Variants in PTGS1 observed in about 807,000 individuals in gnomAD.
PTGS1 encodes prostaglandin G/H synthase 1.
Under a neutral mutation model 63.0 loss-of-function variants are expected in PTGS1, and 40 were observed. The ratio of observed to expected loss-of-function variants is 0.63; its 90% CI spans 0.49 to 0.83. PTGS1 has a LOEUF of 0.83. PTGS1 is among the 40% of genes least tolerant of loss of function. PTGS1 has a pLI of 0.00. For missense variants in PTGS1, 709 were observed against 786.5 expected, an observed-to-expected ratio of 0.90 and a Z score of 1.18; for synonymous variants, 298 against 301.9, an observed-to-expected ratio of 0.99 and a Z score of 0.13.
At chr9:122,378,291 C>A in intron 3 of PTGS1, 142 bp from the exon 4 acceptor site, 1 of 1,213,018 alleles carries the variant, frequency 8.2e-7, no homozygotes, top group Non-Finnish European at 1.2e-6. Context: ...GTCATTGCTC[C>A]CAAGGTTCCA....
chr9:122,381,968 T>C (rs1252979557), intron 7 of PTGS1, among the ~76,000 whole-genome samples: 1 of 152,276 alleles, frequency 6.6e-6, no homozygotes, highest in South Asian at 2.1e-4. Flanking sequence ...GAGGTGGATT[T>C]TGGAGCTCAA....
intron 10 of PTGS1, among the ~76,000 whole-genome samples, chr9:122,391,255 A>G (rs545146083): frequency 1.4e-4 from 21 of 146,658 alleles, no homozygotes; most frequent in African/African-American, 5.2e-4. Flanking sequence ...ATATATGAAT[A>G]GAGTATATAT....
chr9:122,384,322 C>T (rs1227808214), intron 8 of PTGS1, among the ~76,000 whole-genome samples: 1 of 152,170 alleles, frequency 6.6e-6, no homozygotes, highest in Non-Finnish European at 1.5e-5. Context: ...CCCCTGACAT[C>T]CCTGTCCAGA....
intron 2 of PTGS1, chr9:122,375,445 G>A: frequency 1.0e-6 from 1 of 985,528 alleles, no homozygotes; most frequent in Non-Finnish European, 1.2e-6. Context: ...CAGGCTGGAG[G>A]TGACCAATCT....
chr9:122,380,200 A>G (rs1837423100), intron 5 of PTGS1, among the ~76,000 whole-genome samples: 1 of 152,058 alleles, frequency 6.6e-6, no homozygotes, highest in African/African-American at 2.4e-5. Flanking sequence ...GTGGTGGCAC[A>G]CGTCTGTAAT....
chr9:122,377,828 C>G, intron 2 of PTGS1, 71 bp from the exon 3 acceptor site: 1 of 1,340,014 alleles, frequency 7.5e-7, no homozygotes, highest in African/African-American at 1.4e-5. Context: ...CCCTCATTCC[C>G]CCATCAGGGG....
At chr9:122,390,108 C>T in intron 9 of PTGS1, 90 bp from the exon 10 acceptor site, 1 of 1,468,682 alleles carries the variant, frequency 6.8e-7, no homozygotes, top group South Asian at 1.4e-5. Context: ...GAAGGGACTC[C>T]CACTGGAAGC....
At chr9:122,385,199 C>A (rs533151840) in intron 8 of PTGS1, among the ~76,000 whole-genome samples, 7 of 152,306 alleles carry the variant, frequency 4.6e-5, no homozygotes, top group Non-Finnish European at 8.8e-5. Context: ...CTCAGGTGAT[C>A]CACCCGCCTT....
chr9:122,376,643 C>T (rs1198287666), intron 2 of PTGS1, among the ~76,000 whole-genome samples: 3 of 152,178 alleles, frequency 2.0e-5, no homozygotes, highest in Non-Finnish European at 2.9e-5. Flanking sequence ...TTCCCTGTAA[C>T]GTTGGCTCTG....
chr9:122,386,312 A>G, intron 8 of PTGS1, 134 bp from the exon 9 acceptor site: 1 of 1,024,268 alleles, frequency 9.8e-7, no homozygotes, highest in South Asian at 1.5e-5. Flanking sequence ...GTAAAAATAA[A>G]AATAAACATC....
chr9:122,371,121 AT>A (rs1564127004), intron 1 of PTGS1, 30 bp downstream of exon 1: 2 of 1,605,438 alleles, frequency 1.2e-6, no homozygotes, highest in Admixed American at 3.3e-5. Context: ...CCGGTGGGGA[AT>A]TTTCTTGGCC....
chr9:122,379,720 C>T (rs1271678225), intron 5 of PTGS1, among the ~76,000 whole-genome samples: 1 of 152,186 alleles, frequency 6.6e-6, no homozygotes, highest in African/African-American at 2.4e-5. Context: ...ATCATGCTTG[C>T]CCAGTGTCAG....
intron 4 of PTGS1, 71 bp from the exon 5 acceptor site, chr9:122,378,704 G>A: frequency 1.2e-6 from 2 of 1,605,420 alleles, no homozygotes; most frequent in Non-Finnish European, 1.7e-6. Context: ...CCCCAACCCA[G>A]GAGGAGGCAA....
At chr9:122,378,101 C>T (rs1289266868) in intron 3 of PTGS1, 86 bp downstream of exon 3, 9 of 1,261,504 alleles carry the variant, frequency 7.1e-6, no homozygotes, top group Middle Eastern at 2.0e-4. Context: ...ACTTCCTACC[C>T]TCCTCTCTGA....
rs199832794 is a variant in PTGS1, at chr9:122,381,410, G to A, written c.536G>A (p.Arg179His). 1.3e-5 allele frequency: 21 copies of A among 1,614,094 alleles called. No individual in the cohort carries two copies. Among genetic ancestry groups the A allele is most frequent in the East Asian group, 1.1e-4 (5 of 44,872 alleles). The change falls in exon 6 of 11, where the codon CGC becomes CAC. Residue 179 changes from arginine (R) to histidine (H), a missense_variant. Transcript: ENST00000362012. ...CCAGATGCCCAGCTCCTGGCCCGCC[G>A]CTTCCTGCTCAGGAGGAAGTTCATA... ...QLPDAQLLAR[R>H]FLLRRKFIPD... is the part of the protein sequence containing the mutation.
chr9:122,390,047 G>A (rs1422570943), intron 9 of PTGS1, 151 bp from the exon 10 acceptor site: 5 of 839,288 alleles, frequency 6.0e-6, no homozygotes, highest in Non-Finnish European at 8.7e-6. Context: ...CCCGGGGCAG[G>A]TCTGCAGCAT....
chr9:122,375,537 A>G (rs562722323), intron 2 of PTGS1: 14 of 947,970 alleles, frequency 1.5e-5, no homozygotes, highest in South Asian at 4.9e-5. Context: ...TTAAGCCCCA[A>G]CTGTGTGCAT....
At chr9:122,390,614 G>C (rs1838161518) in intron 10 of PTGS1, among the ~76,000 whole-genome samples, 1 of 152,048 alleles carries the variant, frequency 6.6e-6, no homozygotes, top group African/African-American at 2.4e-5. Flanking sequence ...AAGTACAAAG[G>C]CTGCCGGGCA....
intron 9 of PTGS1, 52 bp from the exon 10 acceptor site, chr9:122,390,146 C>T: frequency 6.3e-7 from 1 of 1,587,218 alleles, no homozygotes; most frequent in Middle Eastern, 1.8e-4. Context: ...ACCCAGGCTC[C>T]AGGACAGCCT....
Sources: gnomAD v4.1 joint callset for allele counts (sites outside exome capture counted in the v4.1 genomes callset) on GRCh38, gnomAD v4.1.1 for gene constraint, MANE v1.5 for transcripts, NCBI Gene and HGNC (gene_info 2026-07-23, HGNC 2026-07-21) for gene names.